AFP: variants seen among roughly 807,000 people sequenced by gnomAD.
AFP encodes alpha fetoprotein.
AFP carries 64 observed loss-of-function variants against 78.9 expected under a neutral mutation model. That is an observed-to-expected ratio of 0.81 (90% CI 0.66 to 1.00). The LOEUF (loss-of-function observed/expected upper bound fraction) is 1.00, where lower values mean the gene tolerates loss of function less well. Among genes scored for constraint, AFP ranks in the 50% least tolerant of loss-of-function variants. The pLI, the probability that AFP is intolerant of heterozygous loss-of-function variation, is 0.00. For synonymous variants in AFP, 254 were observed against 243.8 expected, an observed-to-expected ratio of 1.04 and a Z score of -0.39; for missense variants, 689 against 703.8, an observed-to-expected ratio of 0.98 and a Z score of 0.24.
At position 73,447,443 on chromosome 4, in the gene AFP, T is replaced by A. The variant is rs1719863032; in HGVS notation, c.844-19T>A. 1 of 1,558,438 alleles carries A rather than the reference T, an allele frequency of 6.4e-7. No individual in the cohort carries two copies. Among genetic ancestry groups the A allele is most frequent in the African/African-American group, 1.4e-5 (1 of 73,092 alleles). ...AAGAATAAATCTTTAAAACTTATAC[T>A]TTATTTTCTCTGTTGCAGGAAAAAA... On this transcript the variant is annotated intron_variant, in intron 7 of 14. Transcript: ENST00000395792.
In AFP at chr4:73,441,341, C is replaced by T. The variant is rs190926048; in HGVS notation, c.482+528C>T. On this transcript the variant is annotated intron_variant, in intron 4 of 14. Coordinates refer to ENST00000395792, the MANE Select transcript of AFP (RefSeq NM_001134.3). ...CAGCACTTTGGGAGGCCGAGGCGGGCGGATCACGAGGTCAGGAGATCGAGA... is the reference window on the plus strand; with the variant it reads ...CAGCACTTTGGGAGGCCGAGGCGGGTGGATCACGAGGTCAGGAGATCGAGA... Among the ~76,000 whole-genome samples the T allele has an allele frequency of 3.4e-4, 51 of 151,678 alleles. No homozygotes were observed. The South Asian group carries it at 0.01, about 30-fold the overall frequency.
chr4:73,438,115 A>G lies in AFP; in HGVS notation c.138-59A>G. 12 of 1,602,530 alleles carry G rather than the reference A, an allele frequency of 7.5e-6. 1 individual carries two copies. In the South Asian group the frequency reaches 1.2e-4, roughly 17 times the overall value. On this transcript the variant is annotated intron_variant, in intron 2 of 14. Coordinates refer to ENST00000395792, the MANE Select transcript of AFP (RefSeq NM_001134.3). ...ACAAACAAATGAAAAACTATACTTG[A>G]GAAAAATAAGCTTGCTGCAGGTCTG...
At chr4:73,443,156 A>G (rs1198435706) in intron 5 of AFP, among the ~76,000 whole-genome samples, 191 bp from the exon 6 acceptor site, 1 of 152,206 alleles carries the variant, frequency 6.6e-6, no homozygotes, top group Non-Finnish European at 1.5e-5. Context: ...GCACAGATGC[A>G]TATAAACTAA....
intron 7 of AFP, among the ~76,000 whole-genome samples, chr4:73,445,680 C>T (rs547289474): frequency 4.1e-4 from 62 of 152,186 alleles, no homozygotes; most frequent in South Asian, 1.2e-3. Flanking sequence ...GTTAAATGAA[C>T]GAATGCAATA....
At chr4:73,452,911 A>T (rs983735752) in intron 12 of AFP, among the ~76,000 whole-genome samples, 11 of 152,218 alleles carry the variant, frequency 7.2e-5, no homozygotes, top group Non-Finnish European at 1.5e-4. Context: ...TGGGCAATCT[A>T]TTCTGAGGAA....
chr4:73,448,521 C>T (rs1211764553), intron 8 of AFP, among the ~76,000 whole-genome samples: 1 of 152,128 alleles, frequency 6.6e-6, no homozygotes, highest in Non-Finnish European at 1.5e-5. Flanking sequence ...ATTGTTTGCA[C>T]TGCTAAATAA....
At chr4:73,437,538 T>C (rs1352350611) in intron 2 of AFP, among the ~76,000 whole-genome samples, 3 of 152,082 alleles carry the variant, frequency 2.0e-5, no homozygotes, top group African/African-American at 2.4e-5. Context: ...GATATTATAA[T>C]GTTTTCTTTT....
At chr4:73,450,503 G>C in intron 10 of AFP, 112 bp from the exon 11 acceptor site, 1 of 1,506,264 alleles carries the variant, frequency 6.6e-7, no homozygotes, top group Non-Finnish European at 9.2e-7. Flanking sequence ...TGAAACAAAC[G>C]AGCTGACCTC....
At chr4:73,439,416 T>C (rs1161673927) in intron 3 of AFP, among the ~76,000 whole-genome samples, 1 of 152,198 alleles carries the variant, frequency 6.6e-6, no homozygotes. Context: ...TCTATTTTTG[T>C]CTTGTTCTGA....
At position 73,445,369 on chromosome 4, in the gene AFP, G is replaced by A. The variant is rs536408543; in HGVS notation, c.843+247G>A. 1.7e-4 allele frequency among the ~76,000 whole-genome samples: 26 copies of A among 152,214 alleles called. No homozygotes were observed. In the South Asian group the frequency reaches 3.7e-3, roughly 22 times the overall value. On this transcript the variant is annotated intron_variant, in intron 7 of 14. Coordinates refer to ENST00000395792, the MANE Select transcript of AFP (RefSeq NM_001134.3). ...TCTATTTCTTACTTCTAAAAAAACC[G>A]TGGGAACTTCTCAGAAGGCTTCTCC... is the stretch of plus-strand genomic sequence containing the variant.
intron 11 of AFP, among the ~76,000 whole-genome samples, chr4:73,451,768 C>T (rs1719999254): frequency 6.6e-6 from 1 of 152,182 alleles, no homozygotes; most frequent in South Asian, 2.1e-4. Context: ...AGATAATCTG[C>T]ATAACTCACA....
At chr4:73,441,359 G>T (rs113725577) in intron 4 of AFP, among the ~76,000 whole-genome samples, 3,640 of 151,842 alleles carry the variant, frequency 0.024, 115 homozygotes, top group African/African-American at 0.08. Flanking sequence ...GAGGTCAGGA[G>T]ATCGAGACCA....
At chr4:73,437,324 A>T (rs984202430) in intron 2 of AFP, 113 bp downstream of exon 2, 2 of 829,684 alleles carry the variant, frequency 2.4e-6, no homozygotes, top group Non-Finnish European at 2.0e-6. Flanking sequence ...CAATTTGGAC[A>T]ATTTCAAGAA....
At chr4:73,443,235 C>A in intron 5 of AFP, 112 bp from the exon 6 acceptor site, 1 of 812,502 alleles carries the variant, frequency 1.2e-6, no homozygotes, top group Non-Finnish European at 2.0e-6. Flanking sequence ...TAGTAAAAAA[C>A]ATATTTTATG....
intron 12 of AFP, 77 bp from the exon 13 acceptor site, chr4:73,453,688 T>A (rs1264610372): frequency 2.4e-5 from 38 of 1,551,496 alleles, no homozygotes; most frequent in Non-Finnish European, 3.3e-5. Context: ...CTCTGAAAAT[T>A]CTCTACTAGG....
At chr4:73,450,589 A>T in intron 10 of AFP, 26 bp from the exon 11 acceptor site, 1 of 1,614,040 alleles carries the variant, frequency 6.2e-7, no homozygotes, top group Non-Finnish European at 8.5e-7. Flanking sequence ...ACTCAGCAGG[A>T]CTTAGTTAAA....
At chr4:73,449,576 T>C in intron 9 of AFP, 109 bp downstream of exon 9, 2 of 1,305,548 alleles carry the variant, frequency 1.5e-6, no homozygotes, top group Non-Finnish European at 2.2e-6. Flanking sequence ...GTTAGCCAGT[T>C]ATATCTATTT....
At chr4:73,446,745 C>A (rs915221340) in intron 7 of AFP, among the ~76,000 whole-genome samples, 1 of 151,954 alleles carries the variant, frequency 6.6e-6, no homozygotes, top group African/African-American at 2.4e-5. Context: ...TGTTTAGGGG[C>A]AAATTTGAAT....
chr4:73,442,259 G>T (rs1479557218), intron 4 of AFP, 37 bp from the exon 5 acceptor site: 2 of 1,592,906 alleles, frequency 1.3e-6, no homozygotes, highest in Admixed American at 3.4e-5. Context: ...CTATTTTTAG[G>T]TGTTTATAAA....
Sources: gnomAD v4.1 joint callset for allele counts (sites outside exome capture counted in the v4.1 genomes callset) on GRCh38, gnomAD v4.1.1 for gene constraint, MANE v1.5 for transcripts, NCBI Gene and HGNC (gene_info 2026-07-23, HGNC 2026-07-21) for gene names.